The following HACD2 variants were observed in gnomAD, a reference collection of about 807,000 sequenced individuals.
HACD2 encodes the protein very-long-chain (3R)-3-hydroxyacyl-CoA dehydratase 2.
In HACD2, 15 loss-of-function variants were observed where a neutral mutation model predicts 31.0. The ratio of observed to expected loss-of-function variants is 0.48; its 90% confidence interval spans 0.32 to 0.75. HACD2 has a LOEUF of 0.75. Ranked by LOEUF, HACD2 falls within the 30% of genes least tolerant of loss-of-function variation. HACD2 has a pLI of 0.03. For missense variants in HACD2, 283 were observed against 313.0 expected, an observed-to-expected ratio of 0.90 and a Z score of 0.72; for synonymous variants, 115 against 122.2, an observed-to-expected ratio of 0.94 and a Z score of 0.39.
At chr3:123,523,196 G>C (rs775926632) in intron 4 of HACD2, among the ~76,000 whole-genome samples, 3 of 152,212 alleles carry the variant, frequency 2.0e-5, no homozygotes, top group Non-Finnish European at 4.4e-5. Context: ...AACAGGTCCG[G>C]AAGCAGGGGC....
rs1271346604 is a variant in HACD2, at chr3:123,492,237, C to T, written c.*2651G>A. The stretch of plus-strand genomic sequence containing the variant: ...CTGCGGACCTCAAAGAATTCTCTGT[C>T]AGAAGAAGGCCCCCACGGAGGGATC... On this transcript the variant is annotated 3_prime_UTR_variant, in exon 7 of 7. Coordinates refer to ENST00000383657, the MANE Select transcript of HACD2 (RefSeq NM_198402.5). The T allele has an allele frequency of 1.3e-5, 2 of 152,212 alleles. No individual in the cohort carries two copies. The highest frequency in any genetic ancestry group is 2.9e-5 in the Non-Finnish European group (2 of 68,050). The allele number at this position is 152,212 out of a possible 1,614,324, so 9.4% of individuals were successfully genotyped here. A position where few individuals can be genotyped will look rare whatever the true frequency, so the allele number is the denominator to read the frequency against.
intron 3 of HACD2, among the ~76,000 whole-genome samples, chr3:123,548,052 G>C (rs966728962): frequency 6.6e-6 from 1 of 151,854 alleles, no homozygotes; most frequent in Non-Finnish European, 1.5e-5. Flanking sequence ...TTCAACCTAG[G>C]AAGAAAAAAA....
intron 2 of HACD2, among the ~76,000 whole-genome samples, chr3:123,577,859 G>A (rs1426926904): frequency 2.0e-5 from 3 of 152,066 alleles, no homozygotes; most frequent in Admixed American, 2.0e-4. Flanking sequence ...CATTACAGAG[G>A]AACTCGTTTT....
chr3:123,581,844 T>C (rs529788426), intron 2 of HACD2, among the ~76,000 whole-genome samples: 5 of 152,340 alleles, frequency 3.3e-5, no homozygotes, highest in African/African-American at 1.2e-4. Flanking sequence ...GTCTTCTATC[T>C]ATCACTTCCA....
At chr3:123,570,243 CAAAT>C (rs2056839513) in intron 2 of HACD2, among the ~76,000 whole-genome samples, 1 of 151,768 alleles carries the variant, frequency 6.6e-6, no homozygotes. Flanking sequence ...TTTTCAAAAG[CAAAT>C]AAATACAATG....
At position 123,495,145 on chromosome 3, in the gene HACD2, C is replaced by T. The variant is rs560910000; in HGVS notation, c.683-175G>A. The stretch of plus-strand genomic sequence containing the variant: ...AGAAAAAACACAGAGAGACTTACCT[C>T]CTTTCTTTTCCTGCTTTAGCTGAGG... On this transcript the variant is annotated intron_variant, in intron 6 of 6. Transcript: ENST00000383657. 3.9e-5 allele frequency among the ~76,000 whole-genome samples: 6 copies of T among 152,300 alleles called. 1 individual carries two copies. In the East Asian group the frequency reaches 1.2e-3, roughly 29 times the overall value.
intron 3 of HACD2, among the ~76,000 whole-genome samples, chr3:123,532,992 T>G (rs886714192): frequency 1.2e-4 from 18 of 152,168 alleles, no homozygotes; most frequent in Non-Finnish European, 2.6e-4. Context: ...AAAGGTTTGC[T>G]CCTTTCCAAT....
At chr3:123,580,434 C>T (rs1380970513) in intron 2 of HACD2, among the ~76,000 whole-genome samples, 2 of 151,766 alleles carry the variant, frequency 1.3e-5, no homozygotes, top group African/African-American at 4.8e-5. Context: ...AGTGATCACA[C>T]CACTGCACTT....
intron 2 of HACD2, among the ~76,000 whole-genome samples, chr3:123,576,345 A>C (rs1400324223): frequency 6.6e-6 from 1 of 151,736 alleles, no homozygotes; most frequent in East Asian, 1.9e-4. Context: ...TGCTTGAGTC[A>C]CCAAGCAGTG....
intron 3 of HACD2, among the ~76,000 whole-genome samples, chr3:123,552,945 T>C (rs543586187): frequency 3.5e-4 from 53 of 151,950 alleles, no homozygotes; most frequent in Non-Finnish European, 7.2e-4. Flanking sequence ...GGGATCAGAG[T>C]AAAGCAGTTG....
chr3:123,536,084 T>C (rs1559916020), intron 3 of HACD2, among the ~76,000 whole-genome samples: 1 of 152,244 alleles, frequency 6.6e-6, no homozygotes, highest in Non-Finnish European at 1.5e-5. Flanking sequence ...AAGAATTTTA[T>C]ACACATTCTT....
At chr3:123,535,696 C>A (rs1454772505) in intron 3 of HACD2, among the ~76,000 whole-genome samples, 5 of 152,176 alleles carry the variant, frequency 3.3e-5, no homozygotes, top group Non-Finnish European at 7.3e-5. Context: ...GACTAACTAG[C>A]AGCCACCTCA....
At chr3:123,567,292 C>T (rs1378318496) in intron 3 of HACD2, among the ~76,000 whole-genome samples, 2 of 152,188 alleles carry the variant, frequency 1.3e-5, no homozygotes, top group Non-Finnish European at 2.9e-5. Flanking sequence ...AAATCCCCTA[C>T]ATTTGTATAA....
rs540965414 is a variant in HACD2, at chr3:123,584,132, C to A, written c.155+741G>T. 3.3e-5 allele frequency among the ~76,000 whole-genome samples: 5 copies of A among 152,218 alleles called. No homozygotes were observed. The South Asian group carries it at 1.0e-3, about 32-fold the overall frequency. Reference sequence around the variant, plus strand: ...AGTTTTACAAATGAAAAAACGGAGGCTAGAGAAATAAGATGATTTATCCAA... The same window carrying A: ...AGTTTTACAAATGAAAAAACGGAGGATAGAGAAATAAGATGATTTATCCAA... On this transcript the variant is annotated intron_variant, in intron 1 of 6. Coordinates refer to ENST00000383657, the MANE Select transcript of HACD2 (RefSeq NM_198402.5).
chr3:123,502,772 G>C (rs374153685), intron 4 of HACD2, 91 bp from the exon 5 acceptor site: 22 of 1,359,380 alleles, frequency 1.6e-5, no homozygotes, highest in Non-Finnish European at 2.2e-5. Context: ...GGAGTGAGTC[G>C]GCACAGCCGC....
intron 1 of HACD2, among the ~76,000 whole-genome samples, chr3:123,583,514 G>A (rs373047995): frequency 2.1e-4 from 32 of 152,078 alleles, no homozygotes; most frequent in African/African-American, 7.5e-4. Context: ...TGTGAGTCAA[G>A]AGAAATGATT....
chr3:123,530,582 T>C (rs1313212193), intron 3 of HACD2, among the ~76,000 whole-genome samples: 2 of 152,096 alleles, frequency 1.3e-5, no homozygotes, highest in Non-Finnish European at 1.5e-5. Flanking sequence ...CTAATTTTTA[T>C]ATTTTTAGTA....
intron 3 of HACD2, among the ~76,000 whole-genome samples, chr3:123,539,960 A>AC (rs1322258324): frequency 7.5e-6 from 1 of 133,548 alleles, no homozygotes; most frequent in Non-Finnish European, 1.6e-5. Context: ...AATGGTGTCT[A>AC]CCTGTAATCC....
At chr3:123,546,290 T>A (rs368312425) in intron 3 of HACD2, among the ~76,000 whole-genome samples, 2 of 152,334 alleles carry the variant, frequency 1.3e-5, no homozygotes. Flanking sequence ...TGGATTGCTC[T>A]ATCGGCTCAG....
Sources: allele counts gnomAD v4.1 joint callset (sites outside exome capture counted in the v4.1 genomes callset), GRCh38; gene constraint gnomAD v4.1.1; transcripts MANE v1.5; gene names NCBI Gene and HGNC (gene_info 2026-07-23, HGNC 2026-07-21).